The following SNAP47 variants were observed in gnomAD, a reference collection of about 807,000 sequenced individuals.
SNAP47 encodes synaptosomal-associated protein 47.
A neutral mutation model predicts 31.4 loss-of-function variants in SNAP47; 20 were observed. That is an observed-to-expected ratio of 0.64 (90% CI 0.45 to 0.93). SNAP47 has a LOEUF of 0.93. Among genes scored for constraint, SNAP47 ranks in the 40% least tolerant of loss-of-function variants. SNAP47 has a pLI of 0.00. For missense variants in SNAP47, 492 were observed against 528.5 expected (o/e 0.93, Z 0.68); for synonymous variants, 194 against 213.4 (o/e 0.91, Z 0.79).
At chr1:227,735,132 A>G (rs1660997155), upstream of SNAP47, 1 of 1,580,374 alleles carries the variant, frequency 6.3e-7, no homozygotes, top group Admixed American at 1.8e-5. Flanking sequence ...GGCAGCAAGA[A>G]GCCCCGCACA....
intron 1 of SNAP47, chr1:227,736,463 C>G (rs1312362864): frequency 7.2e-6 from 1 of 139,176 alleles, no homozygotes; most frequent in Non-Finnish European, 1.5e-5. Context: ...GTTGGGATAC[C>G]AAAGAAAGAA....
At chr1:227,777,209 A>T in intron 4 of SNAP47, 1 of 589,990 alleles carries the variant, frequency 1.7e-6, no homozygotes, top group Non-Finnish European at 2.1e-6. Flanking sequence ...TGGGTTACGT[A>T]GTGAAGTTTT....
At chr1:227,755,068 C>T (rs1219203418) in intron 2 of SNAP47, among the ~76,000 whole-genome samples, 2 of 152,186 alleles carry the variant, frequency 1.3e-5, no homozygotes, top group Non-Finnish European at 2.9e-5. Context: ...ATGCCCTCCT[C>T]CTCCTGAAGG....
At position 227,780,782 on chromosome 1, in the gene SNAP47, C is replaced by T. The variant is rs1572064243; in HGVS notation, c.*109C>T. On this transcript the variant is annotated 3_prime_UTR_variant, in exon 5 of 5. Coordinates refer to ENST00000617596, the MANE Select transcript of SNAP47 (RefSeq NM_053052.4). ...GCCTGTGGCCCTCCGGAGTGGTCTT[C>T]CTCTGGATGGGGCTGCTACTGTGGG... 3 of 1,461,318 alleles carry T rather than the reference C, an allele frequency of 2.1e-6. No homozygotes were observed. The highest frequency in any genetic ancestry group is 3.9e-5 in the Admixed American group (2 of 51,542). 90.5% of individuals were successfully genotyped at this position (1,461,318 alleles called of 1,614,324 possible).
chr1:227,733,748 A>G (rs1289566497), upstream of SNAP47: 5 of 1,594,042 alleles, frequency 3.1e-6, no homozygotes, highest in African/African-American at 1.3e-5. Context: ...GGCACCCCAG[A>G]GGCCTGGTCC....
At chr1:227,766,419 G>A (rs1663404987) in intron 3 of SNAP47, among the ~76,000 whole-genome samples, 1 of 152,254 alleles carries the variant, frequency 6.6e-6, no homozygotes, top group African/African-American at 2.4e-5. Flanking sequence ...CCTCTGGCAG[G>A]TGGCTTGGAG....
intron 2 of SNAP47, among the ~76,000 whole-genome samples, chr1:227,751,760 T>G (rs915745794): frequency 2.6e-5 from 2 of 78,066 alleles, no homozygotes; most frequent in Non-Finnish European, 5.3e-5. Context: ...TTTTTTTTTT[T>G]TTTTTTTTTT....
At position 227,780,936 on chromosome 1, in the gene SNAP47, C is replaced by T; in HGVS notation, c.*263C>T. The T allele has an allele frequency of 4.0e-6, 2 of 500,878 alleles. No individual in the cohort carries two copies. Among genetic ancestry groups the T allele is most frequent in the South Asian group, 2.4e-5 (1 of 42,106 alleles). The allele number at this position is 500,878 out of a possible 1,614,324, so 31.0% of individuals were successfully genotyped here. On this transcript the variant is annotated 3_prime_UTR_variant, in exon 5 of 5. Coordinates refer to ENST00000617596, the MANE Select transcript of SNAP47 (RefSeq NM_053052.4). ...GCAGAAGTGTGGACCATGGCGGGACCCCAAGGACACTTGGCACAGGCCTGG... is the reference window on the plus strand; with the variant it reads ...GCAGAAGTGTGGACCATGGCGGGACTCCAAGGACACTTGGCACAGGCCTGG...
intron 3 of SNAP47, among the ~76,000 whole-genome samples, chr1:227,761,092 C>T (rs78355903): frequency 0.031 from 4,680 of 152,238 alleles, 133 homozygotes; most frequent in African/African-American, 0.08. Context: ...CACTATAATG[C>T]GTGTCTATAC....
At chr1:227,737,018 C>A (rs1661253340) in intron 1 of SNAP47, among the ~76,000 whole-genome samples, 1 of 152,220 alleles carries the variant, frequency 6.6e-6, no homozygotes, top group Non-Finnish European at 1.5e-5. Context: ...TAGATACTTT[C>A]TTCCATGCCT....
chr1:227,735,771 G>A, intron 1 of SNAP47: 2 of 951,550 alleles, frequency 2.1e-6, no homozygotes, highest in Non-Finnish European at 2.5e-6. Context: ...TGGGATGGTG[G>A]GATCTAGCGG....
chr1:227,769,811 C>T (rs1195011008), intron 4 of SNAP47, among the ~76,000 whole-genome samples: 2 of 152,188 alleles, frequency 1.3e-5, no homozygotes, highest in Admixed American at 6.5e-5. Flanking sequence ...CTAGGGCCCA[C>T]GCCATGGACG....
intron 4 of SNAP47, among the ~76,000 whole-genome samples, chr1:227,771,424 C>T (rs1343532641): frequency 2.0e-5 from 3 of 152,144 alleles, no homozygotes; most frequent in Non-Finnish European, 2.9e-5. Context: ...GGACAGGGTG[C>T]CCTGCAGCCC....
At chr1:227,745,009 G>A (rs577041528) in intron 1 of SNAP47, among the ~76,000 whole-genome samples, 6 of 152,318 alleles carry the variant, frequency 3.9e-5, no homozygotes, top group African/African-American at 1.2e-4. Context: ...GAGAGGAAGC[G>A]TGCCAGGATC....
intron 4 of SNAP47, among the ~76,000 whole-genome samples, 186 bp downstream of exon 4, chr1:227,767,269 G>A (rs554243116): frequency 6.6e-6 from 1 of 152,304 alleles, no homozygotes; most frequent in African/African-American, 2.4e-5. Flanking sequence ...TCCGTCCCAG[G>A]TCCACACACT....
intron 4 of SNAP47, chr1:227,770,608 C>T (rs1035515742): frequency 6.5e-6 from 1 of 154,806 alleles, no homozygotes; most frequent in Non-Finnish European, 1.5e-5. Context: ...CAGGGACCCC[C>T]GTTCCTGGTC....
At chr1:227,743,867 C>T (rs1213386379) in intron 1 of SNAP47, 2 of 152,210 alleles carry the variant, frequency 1.3e-5, no homozygotes, top group East Asian at 1.9e-4. Flanking sequence ...TTGTAAGTCT[C>T]GTATCTTATT....
intron 4 of SNAP47, among the ~76,000 whole-genome samples, chr1:227,780,191 C>T (rs1664382315): frequency 6.6e-6 from 1 of 152,180 alleles, no homozygotes; most frequent in African/African-American, 2.4e-5. Context: ...AGGAATTCCA[C>T]ACCCACATGC....
chr1:227,763,996 G>A lies in SNAP47; in HGVS notation c.989-2963G>A, dbSNP rs1404445838. 6.6e-6 allele frequency among the ~76,000 whole-genome samples: 1 copy of A among 152,212 alleles called. No individual in the cohort carries two copies. Among genetic ancestry groups the A allele is most frequent in the Admixed American group, 6.5e-5 (1 of 15,290 alleles). ...AGATGACCAAGACATTCTGCAGCCA[G>A]CAGTGTGCCCTGGGCTCTTCCTGGG... On this transcript the variant is annotated intron_variant, in intron 3 of 4. Coordinates refer to ENST00000617596, the MANE Select transcript of SNAP47 (RefSeq NM_053052.4). The surrounding 1 kb of genome is among the most constrained non-coding windows in gnomAD (Gnocchi z 4.2).
Sources: allele counts gnomAD v4.1 joint callset (sites outside exome capture counted in the v4.1 genomes callset), GRCh38; gene constraint gnomAD v4.1.1; non-coding constraint Gnocchi (gnomAD v3.1); transcripts MANE v1.5; gene names NCBI Gene and HGNC (gene_info 2026-07-23, HGNC 2026-07-21).